Variants in RHBDD1 observed in about 807,000 individuals in gnomAD.
RHBDD1 encodes the protein rhomboid domain containing 1, also known as rhomboid-related protein 4.
RHBDD1 carries 38 observed loss-of-function variants against 36.3 expected under a neutral mutation model. The ratio of observed to expected loss-of-function variants is 1.05; its 90% confidence interval spans 0.81 to 1.37. The LOEUF is 1.37. Among genes scored for constraint, RHBDD1 ranks in the 40% most tolerant of loss-of-function variants. RHBDD1 has a pLI of 0.00. For synonymous variants in RHBDD1, 151 were observed against 136.5 expected, an observed-to-expected ratio of 1.11 and a Z score of -0.74; for missense variants, 393 against 377.6, an observed-to-expected ratio of 1.04 and a Z score of -0.34.
intron 3 of RHBDD1, among the ~76,000 whole-genome samples, chr2:226,864,379 A>T (rs1944136142): frequency 6.6e-6 from 1 of 152,174 alleles, no homozygotes; most frequent in South Asian, 2.1e-4. Flanking sequence ...CCTGTCCATT[A>T]ACTGATTCAT....
At chr2:226,966,791 G>C (rs1250497819) in intron 8 of RHBDD1, among the ~76,000 whole-genome samples, 2 of 151,758 alleles carry the variant, frequency 1.3e-5, no homozygotes, top group Non-Finnish European at 2.9e-5. Context: ...TCAACCTTCT[G>C]AATAGCCAGC....
chr2:226,859,745 G>A (rs1330501097), intron 3 of RHBDD1, among the ~76,000 whole-genome samples: 3 of 152,206 alleles, frequency 2.0e-5, no homozygotes, highest in Admixed American at 2.0e-4. Context: ...ATAGTGGCGG[G>A]CAGGGAACTG....
Position 226,960,887 on chromosome 2 carries a change from A to C in RHBDD1, c.857-34544A>C, listed in dbSNP as rs116781770. 2.1e-3 allele frequency among the ~76,000 whole-genome samples: 321 copies of C among 152,312 alleles called. 1 individual carries two copies. The highest frequency in any genetic ancestry group is 7.2e-3 in the African/African-American group (299 of 41,574). On this transcript the variant is annotated intron_variant, in intron 8 of 8. Coordinates refer to ENST00000392062, the MANE Select transcript of RHBDD1 (RefSeq NM_001167608.3). Reference sequence around the variant, plus strand: ...TGTACAATAAGCATACAACAAAAAAATTCTCCTTTTGTAGATGGTTGCTAA... The same window carrying C: ...TGTACAATAAGCATACAACAAAAAACTTCTCCTTTTGTAGATGGTTGCTAA...
chr2:226,812,665 C>A, the RHBDD1 span, among the ~76,000 whole-genome samples: 1 of 139,212 alleles, frequency 7.2e-6, no homozygotes, highest in African/African-American at 2.6e-5. Context: ...TTGGAAAGCA[C>A]ATGTATGCTT....
intron 5 of RHBDD1, among the ~76,000 whole-genome samples, chr2:226,879,754 A>T (rs1040668836): frequency 2.6e-5 from 4 of 152,226 alleles, no homozygotes; most frequent in African/African-American, 7.2e-5. Flanking sequence ...CATATAAATA[A>T]GCAAGTGACA....
At chr2:226,937,161 T>C (rs992083507) in intron 8 of RHBDD1, among the ~76,000 whole-genome samples, 1 of 152,148 alleles carries the variant, frequency 6.6e-6, no homozygotes, top group African/African-American at 2.4e-5. Context: ...TAGGCCTGAT[T>C]CACAAACTCT....
At chr2:226,912,937 C>G (rs1283954379) in intron 7 of RHBDD1, among the ~76,000 whole-genome samples, 1 of 152,092 alleles carries the variant, frequency 6.6e-6, no homozygotes, top group Non-Finnish European at 1.5e-5. Context: ...ATATAAAAAA[C>G]TAGTGTGTTT....
intron 8 of RHBDD1, among the ~76,000 whole-genome samples, chr2:226,918,847 A>T (rs1949104354): frequency 6.6e-6 from 1 of 152,074 alleles, no homozygotes; most frequent in South Asian, 2.1e-4. Flanking sequence ...GAATTGCTGG[A>T]TCATATGGTA....
At chr2:226,834,907 C>T (rs1422042638), upstream of RHBDD1, among the ~76,000 whole-genome samples, 1 of 152,188 alleles carries the variant, frequency 6.6e-6, no homozygotes, top group Non-Finnish European at 1.5e-5. Context: ...TCCCGAGTAG[C>T]CGGGATTACA....
chr2:226,809,257 T>G, the RHBDD1 span, among the ~76,000 whole-genome samples: 1,380 of 152,036 alleles, frequency 9.1e-3, 14 homozygotes, highest in South Asian at 0.015. Flanking sequence ...AAAAAGAGAG[T>G]GAACAACTGA....
chr2:226,881,329 A>G (rs567613819), intron 5 of RHBDD1, among the ~76,000 whole-genome samples: 1 of 152,326 alleles, frequency 6.6e-6, no homozygotes, highest in East Asian at 1.9e-4. Context: ...ACCCAGAGAA[A>G]ATTATTAGCA....
At chr2:226,885,732 C>G (rs11679775) in intron 5 of RHBDD1, among the ~76,000 whole-genome samples, 3 of 151,998 alleles carry the variant, frequency 2.0e-5, no homozygotes, top group Non-Finnish European at 4.4e-5. Context: ...AGGGATGCAT[C>G]ATTTATAGTG....
intron 8 of RHBDD1, among the ~76,000 whole-genome samples, chr2:226,963,993 G>GA (rs1205621308): frequency 2.0e-5 from 3 of 151,978 alleles, no homozygotes; most frequent in Non-Finnish European, 4.4e-5. Flanking sequence ...CAGCTTCTCA[G>GA]AAAAATATTT....
chr2:226,946,782 G>C (rs1384750419), intron 8 of RHBDD1, among the ~76,000 whole-genome samples: 1 of 152,090 alleles, frequency 6.6e-6, no homozygotes, highest in Non-Finnish European at 1.5e-5. Context: ...ACCCTCCCAA[G>C]ACTAAATCAG....
upstream of RHBDD1, among the ~76,000 whole-genome samples, chr2:226,831,099 CTT>C (rs552106806): frequency 1.8e-3 from 269 of 152,282 alleles, 9 homozygotes; most frequent in South Asian, 0.046. Context: ...CTTGTAATGT[CTT>C]TGTCTGAATT....
At chr2:226,895,193 A>G (rs1947000506) in intron 5 of RHBDD1, among the ~76,000 whole-genome samples, 1 of 152,210 alleles carries the variant, frequency 6.6e-6, no homozygotes, top group South Asian at 2.1e-4. Flanking sequence ...CACAGTGGTG[A>G]AAATGGGCTA....
Position 226,999,001 on chromosome 2 carries a change from A to T in RHBDD1, c.*3479A>T, listed in dbSNP as rs1960248472. 1 of 149,896 alleles carries T rather than the reference A, an allele frequency of 6.7e-6. No individual in the cohort carries two copies. The highest frequency in any genetic ancestry group is 2.1e-4 in the South Asian group (1 of 4,678). The allele number at this position is 149,896 out of a possible 1,614,324, so 9.3% of individuals were successfully genotyped here. ...TCCTCCTCATCCAGCCCCCATCTGA[A>T]TCCTGTAACAGACACAACCACATCT... On this transcript the variant is annotated 3_prime_UTR_variant, in exon 9 of 9. Transcript: ENST00000392062.
At chr2:226,928,494 CAGCAAAAGCAGTGCTAAGAGGAAACTTT>C (rs1949813140) in intron 8 of RHBDD1, among the ~76,000 whole-genome samples, 1 of 152,000 alleles carries the variant, frequency 6.6e-6, no homozygotes, top group South Asian at 2.1e-4. Flanking sequence ...CTCTGGGATA[CAGCAAAAGCAGTGCTAAGAGGAAACTTT>C]ATAGGGCTAA....
At chr2:226,990,397 T>C (rs1204839978) in intron 8 of RHBDD1, among the ~76,000 whole-genome samples, 1 of 152,158 alleles carries the variant, frequency 6.6e-6, no homozygotes, top group Non-Finnish European at 1.5e-5. Context: ...TTTCCTGGTT[T>C]AGAAAAAAAG....
Sources: gnomAD v4.1 joint callset for allele counts (sites outside exome capture counted in the v4.1 genomes callset) on GRCh38, gnomAD v4.1.1 for gene constraint, MANE v1.5 for transcripts, NCBI Gene and HGNC (gene_info 2026-07-23, HGNC 2026-07-21) for gene names.